DGKG: variants seen among roughly 807,000 people sequenced by gnomAD.
The protein encoded by DGKG is diacylglycerol kinase gamma, also known as DAG kinase gamma.
In DGKG, 78 loss-of-function variants were observed where a neutral mutation model predicts 105.3. That is an observed-to-expected ratio of 0.74 (90% CI 0.62 to 0.89). DGKG has a LOEUF of 0.89. Ranked by LOEUF, DGKG falls within the 40% of genes least tolerant of loss-of-function variation. The pLI is 0.00. For synonymous variants in DGKG, 346 were observed against 367.1 expected, an observed-to-expected ratio of 0.94 and a Z score of 0.66; for missense variants, 958 against 1,020.1, an observed-to-expected ratio of 0.94 and a Z score of 0.83.
At chr3:186,273,302 A>G (rs1722408810) in intron 10 of DGKG, among the ~76,000 whole-genome samples, 1 of 144,886 alleles carries the variant, frequency 6.9e-6, no homozygotes, top group Admixed American at 6.8e-5. Context: ...AATGGGAATG[A>G]GATTGATCTA....
chr3:186,303,971 A>C (rs2108622034), intron 3 of DGKG, among the ~76,000 whole-genome samples: 1 of 152,378 alleles, frequency 6.6e-6, no homozygotes, highest in Non-Finnish European at 1.5e-5. Context: ...ACCTACTAGA[A>C]GTCAGCTGCA....
chr3:186,170,750 A>G (rs1716777225), intron 22 of DGKG, among the ~76,000 whole-genome samples: 1 of 152,200 alleles, frequency 6.6e-6, no homozygotes, highest in African/African-American at 2.4e-5. Flanking sequence ...TCACCCGGAC[A>G]ACTCCCAATG....
chr3:186,315,547 A>C (rs770229929), intron 2 of DGKG, among the ~76,000 whole-genome samples: 1 of 152,168 alleles, frequency 6.6e-6, no homozygotes, highest in African/African-American at 2.4e-5. Context: ...CTGACGGTCT[A>C]TCAGGGTAGG....
intron 10 of DGKG, among the ~76,000 whole-genome samples, chr3:186,274,659 T>C (rs568472471): frequency 2.6e-5 from 4 of 151,700 alleles, no homozygotes; most frequent in South Asian, 2.1e-4. Flanking sequence ...GATCTTGCGA[T>C]AGTTTGCTCA....
chr3:186,188,128 G>A (rs763287031), intron 22 of DGKG, 74 bp downstream of exon 22: 1 of 1,550,518 alleles, frequency 6.4e-7, no homozygotes, highest in Non-Finnish European at 8.8e-7. Context: ...GCCTTACGAG[G>A]CCTGCTGACA....
At position 186,203,507 on chromosome 3, in the gene DGKG, G is replaced by A. The variant is rs781274425; in HGVS notation, c.1917+8288C>T. Among the ~76,000 whole-genome samples the A allele has an allele frequency of 6.6e-6, 1 of 152,174 alleles. No individual in the cohort carries two copies. The highest frequency in any genetic ancestry group is 2.4e-5 in the African/African-American group (1 of 41,434). ...ATATTAGGAGTAGCGGAAAGAAACCGATTAGGAGGAAGCAGAAAGAAACCA... is the reference window on the plus strand; with the variant it reads ...ATATTAGGAGTAGCGGAAAGAAACCAATTAGGAGGAAGCAGAAAGAAACCA... On this transcript the variant is annotated intron_variant, in intron 21 of 24. Transcript: ENST00000265022. This position sits in a 1 kb window ranked among gnomAD's most constrained non-coding sequence, Gnocchi z 4.9.
chr3:186,219,090 T>A (rs1719440868), intron 20 of DGKG, among the ~76,000 whole-genome samples: 1 of 151,368 alleles, frequency 6.6e-6, no homozygotes, highest in African/African-American at 2.4e-5. Context: ...TTTACATTAC[T>A]TGAATCTCAA....
At chr3:186,246,121 G>A (rs1011868077) in intron 19 of DGKG, among the ~76,000 whole-genome samples, 5 of 152,046 alleles carry the variant, frequency 3.3e-5, no homozygotes, top group African/African-American at 9.7e-5. Context: ...ACTGGCACCT[G>A]CCACCACGTC....
chr3:186,310,193 G>C (rs1724456248), intron 2 of DGKG, among the ~76,000 whole-genome samples: 1 of 143,252 alleles, frequency 7.0e-6, no homozygotes, highest in Non-Finnish European at 1.5e-5. Flanking sequence ...CTTGAACCCA[G>C]GAGGCGGAGC....
chr3:186,279,925 C>G lies in DGKG; in HGVS notation c.718G>C (p.Val240Leu). The G allele has an allele frequency of 1.2e-6, 2 of 1,614,196 alleles. No individual in the cohort carries two copies. Among genetic ancestry groups the G allele is most frequent in the Non-Finnish European group, 1.7e-6 (2 of 1,180,022 alleles). The change falls in exon 9 of 25, where the codon GTG becomes CTG. Residue 240 changes from valine to leucine, a missense_variant. This residue lies in a region of DGKG where 643 missense variants were observed against 619.5 expected (regional missense o/e 1.04). Coordinates refer to ENST00000265022, the MANE Select transcript of DGKG (RefSeq NM_001346.3). ...QGMDYDRDGF[V>L]SLQEWVHGGM... ...CCATGGACCCATTCCTGTAGAGACA[C>G]AAAGCCGTCCCGGTCGTAGTCCATC...
chr3:186,204,111 T>A (rs1460603962), intron 21 of DGKG, among the ~76,000 whole-genome samples: 2 of 152,170 alleles, frequency 1.3e-5, no homozygotes, highest in African/African-American at 2.4e-5. Flanking sequence ...GTCTCTTTTT[T>A]AAAAATAATA....
At chr3:186,225,268 T>C (rs1719802229) in intron 20 of DGKG, among the ~76,000 whole-genome samples, 1 of 152,022 alleles carries the variant, frequency 6.6e-6, no homozygotes, top group Admixed American at 6.6e-5. Flanking sequence ...CGCCTGGCCC[T>C]GAATCATTTT....
chr3:186,235,540 G>A (rs921537598), intron 20 of DGKG, among the ~76,000 whole-genome samples: 1 of 152,124 alleles, frequency 6.6e-6, no homozygotes, highest in Non-Finnish European at 1.5e-5. Flanking sequence ...TTGTAATAGT[G>A]GGCTACCTCA....
chr3:186,167,170 G>T (rs969177210), intron 22 of DGKG, among the ~76,000 whole-genome samples: 2 of 152,146 alleles, frequency 1.3e-5, no homozygotes, highest in African/African-American at 4.8e-5. Context: ...TGGGACTGAG[G>T]AGATTTGTAG....
chr3:186,335,257 A>C (rs775704809), intron 1 of DGKG, among the ~76,000 whole-genome samples: 7 of 152,056 alleles, frequency 4.6e-5, no homozygotes, highest in Non-Finnish European at 7.4e-5. Context: ...TAATGTTTTT[A>C]GTAGAAATGG....
chr3:186,288,723 C>T lies in DGKG; in HGVS notation c.531G>A (p.Gln177=). The T allele has an allele frequency of 6.2e-7, 1 of 1,614,172 alleles. No homozygotes were observed. The highest frequency in any genetic ancestry group is 8.5e-7 in the Non-Finnish European group (1 of 1,180,028). ...YLSLLETGRP[Q]DKLEFMFRLY... ...GTGAGCACTTACACTCCAGCTTATC[C>T]TGAGGCCTCCCCGTCTCCAGCAGGG... The change falls in exon 6 of 25, where the codon CAG becomes CAA. Residue 177 remains glutamine, a synonymous_variant. Coordinates refer to ENST00000265022, the MANE Select transcript of DGKG (RefSeq NM_001346.3).
intron 19 of DGKG, among the ~76,000 whole-genome samples, chr3:186,248,312 T>C (rs1442459069): frequency 6.6e-6 from 1 of 152,260 alleles, no homozygotes; most frequent in African/African-American, 2.4e-5. Context: ...ACCTGCTGTC[T>C]AGAAGTTCCC....
At chr3:186,350,025 C>T (rs1357970801) in intron 1 of DGKG, among the ~76,000 whole-genome samples, 1 of 151,984 alleles carries the variant, frequency 6.6e-6, no homozygotes, top group Non-Finnish European at 1.5e-5. Context: ...GCTGGGATAC[C>T]GATGTGTGCC....
chr3:186,272,233 C>A, intron 11 of DGKG, 22 bp downstream of exon 11: 1 of 1,578,612 alleles, frequency 6.3e-7, no homozygotes. Flanking sequence ...TGCAGTAGAA[C>A]AAGGCAGTAG....
Sources: allele counts gnomAD v4.1 joint callset (sites outside exome capture counted in the v4.1 genomes callset), GRCh38; gene constraint gnomAD v4.1.1; regional missense constraint gnomAD v4.1.1; non-coding constraint Gnocchi (gnomAD v3.1); transcripts MANE v1.5; gene names NCBI Gene and HGNC (gene_info 2026-07-23, HGNC 2026-07-21).